The following CNTNAP2 variants were observed in gnomAD, a reference collection of about 807,000 sequenced individuals.
The protein encoded by CNTNAP2 is contactin associated protein 2, also known as contactin-associated protein-like 2.
In CNTNAP2, 98 loss-of-function variants were observed where a neutral mutation model predicts 155.2. That is an observed-to-expected ratio of 0.63 (90% CI 0.54 to 0.75). The LOEUF is 0.75. Among genes scored for constraint, CNTNAP2 ranks in the 30% least tolerant of loss-of-function variants. CNTNAP2 has a pLI of 0.00. For synonymous variants in CNTNAP2, 651 were observed against 631.2 expected (o/e 1.03, Z -0.47); for missense variants, 1,727 against 1,688.1 (o/e 1.02, Z -0.40).
chr7:147,587,641 A>G (rs577258401), intron 12 of CNTNAP2, among the ~76,000 whole-genome samples: 14 of 152,298 alleles, frequency 9.2e-5, no homozygotes, highest in African/African-American at 3.4e-4. Context: ...AACAGCAAAG[A>G]TTTATCGATA....
intron 18 of CNTNAP2, among the ~76,000 whole-genome samples, chr7:148,196,663 A>G (rs946369558): frequency 2.0e-5 from 3 of 152,240 alleles, no homozygotes; most frequent in Non-Finnish European, 4.4e-5. Flanking sequence ...AGGCATTGAT[A>G]AATTAAGTAG....
At chr7:147,311,992 C>G (rs1020736528) in intron 9 of CNTNAP2, among the ~76,000 whole-genome samples, 1 of 151,956 alleles carries the variant, frequency 6.6e-6, no homozygotes, top group Non-Finnish European at 1.5e-5. Flanking sequence ...TTACATGTCT[C>G]TCTTTTAACT....
At chr7:146,254,131 A>G (rs1584829618) in intron 1 of CNTNAP2, among the ~76,000 whole-genome samples, 2 of 41,030 alleles carry the variant, frequency 4.9e-5, no homozygotes, top group South Asian at 5.3e-4. Flanking sequence ...TGCTACTTGC[A>G]CACACACACA....
At chr7:146,613,191 G>C (rs961451872) in intron 1 of CNTNAP2, among the ~76,000 whole-genome samples, 3 of 152,124 alleles carry the variant, frequency 2.0e-5, no homozygotes, top group African/African-American at 7.2e-5. Flanking sequence ...GTCACAGGGA[G>C]ACTTGTCTGT....
chr7:147,854,471 C>T (rs1473111283), intron 13 of CNTNAP2, among the ~76,000 whole-genome samples: 1 of 152,098 alleles, frequency 6.6e-6, no homozygotes. Flanking sequence ...GCCCTTCAAA[C>T]CCTACTTTTT....
At chr7:146,444,675 T>TTTTTTTTTTA (rs1796376388) in intron 1 of CNTNAP2, among the ~76,000 whole-genome samples, 3 of 151,368 alleles carry the variant, frequency 2.0e-5, no homozygotes, top group African/African-American at 7.3e-5. Flanking sequence ...TTTTTTTTTT[T>TTTTTTTTTTA]GAGACAGCAT....
chr7:148,006,183 AG>A (rs1801974929), intron 15 of CNTNAP2, among the ~76,000 whole-genome samples: 1 of 152,232 alleles, frequency 6.6e-6, no homozygotes, highest in Non-Finnish European at 1.5e-5. Context: ...ACCCAGGTAC[AG>A]GGGCAACAGT....
At chr7:147,093,240 CAA>C (rs530286124) in intron 4 of CNTNAP2, among the ~76,000 whole-genome samples, 14 of 54,350 alleles carry the variant, frequency 2.6e-4, no homozygotes, top group Non-Finnish European at 3.6e-4. Context: ...GACTCCATCT[CAA>C]AAAAAAAAAA....
intron 19 of CNTNAP2, among the ~76,000 whole-genome samples, chr7:148,222,380 G>C (rs972820978): frequency 8.5e-5 from 13 of 152,216 alleles, no homozygotes; most frequent in African/African-American, 2.9e-4. Context: ...CTGAGACAGT[G>C]CAGGGCATGA....
At chr7:146,655,404 ACT>A (rs1359621492) in intron 1 of CNTNAP2, among the ~76,000 whole-genome samples, 4 of 111,362 alleles carry the variant, frequency 3.6e-5, no homozygotes, top group Non-Finnish European at 7.0e-5. Flanking sequence ...ACAGAGTGAG[ACT>A]CTGTCTCAAA....
At position 146,210,214 on chromosome 7, in the gene CNTNAP2, CTTTG is replaced by C. The variant is rs370861016; in HGVS notation, c.97+93246_97+93249del. Among the ~76,000 whole-genome samples the C allele has an allele frequency of 1.3e-3, 198 of 152,212 alleles. 1 individual carries two copies. Among genetic ancestry groups the C allele is most frequent in the African/African-American group, 4.6e-3 (191 of 41,542 alleles). On this transcript the variant is annotated intron_variant, in intron 1 of 23. Coordinates refer to ENST00000361727, the MANE Select transcript of CNTNAP2 (RefSeq NM_014141.6). Reference sequence around the variant, plus strand: ...CCCTGAAATTTGCTCATTCTGCAGCCTTTGTTTGGTTACCTAAACTCTTTAAACC... The same window carrying C: ...CCCTGAAATTTGCTCATTCTGCAGCCTTTGGTTACCTAAACTCTTTAAACC...
intron 2 of CNTNAP2, among the ~76,000 whole-genome samples, chr7:146,825,744 C>T (rs978817574): frequency 6.6e-6 from 1 of 151,966 alleles, no homozygotes; most frequent in Non-Finnish European, 1.5e-5. Flanking sequence ...TTGAACATGA[C>T]CTCATCTTTT....
intron 13 of CNTNAP2, among the ~76,000 whole-genome samples, chr7:147,713,726 T>C (rs928905602): frequency 5.3e-5 from 8 of 152,136 alleles, no homozygotes; most frequent in African/African-American, 1.9e-4. Context: ...AACTGTTTTC[T>C]ATGGTGGTGT....
intron 11 of CNTNAP2, among the ~76,000 whole-genome samples, chr7:147,514,762 C>G (rs1799087911): frequency 6.6e-6 from 1 of 152,148 alleles, no homozygotes; most frequent in African/African-American, 2.4e-5. Flanking sequence ...CTGGCTGCCT[C>G]TCTACACTCA....
chr7:147,681,875 T>C (rs1795951947), intron 13 of CNTNAP2, among the ~76,000 whole-genome samples: 1 of 151,850 alleles, frequency 6.6e-6, no homozygotes, highest in Non-Finnish European at 1.5e-5. Context: ...GTGCTATCTG[T>C]GGTTTCAGCA....
At chr7:148,400,067 T>C (rs1165690362) in intron 22 of CNTNAP2, among the ~76,000 whole-genome samples, 1 of 152,098 alleles carries the variant, frequency 6.6e-6, no homozygotes, top group African/African-American at 2.4e-5. Context: ...GTATGCCCCT[T>C]AATGTTTGAA....
chr7:146,146,031 A>G (rs181178213), intron 1 of CNTNAP2, among the ~76,000 whole-genome samples: 37 of 152,314 alleles, frequency 2.4e-4, no homozygotes, highest in African/African-American at 8.4e-4. Flanking sequence ...TAAATGATAT[A>G]TTTTGTTTTA....
intron 9 of CNTNAP2, among the ~76,000 whole-genome samples, chr7:147,303,466 C>G (rs929501259): frequency 1.3e-5 from 2 of 152,168 alleles, no homozygotes; most frequent in Admixed American, 1.3e-4. Flanking sequence ...GCCTCTGGAT[C>G]GCAACTTTAA....
chr7:148,349,157 G>C (rs1265985265), intron 21 of CNTNAP2, among the ~76,000 whole-genome samples: 1 of 152,056 alleles, frequency 6.6e-6, no homozygotes, highest in Non-Finnish European at 1.5e-5. Flanking sequence ...AATAATTTAA[G>C]TCATTGTTAA....
Sources: gnomAD v4.1 joint callset for allele counts (sites outside exome capture counted in the v4.1 genomes callset) on GRCh38, gnomAD v4.1.1 for gene constraint, MANE v1.5 for transcripts, NCBI Gene and HGNC (gene_info 2026-07-23, HGNC 2026-07-21) for gene names.